SMAD2: variants seen among roughly 807,000 people sequenced by gnomAD.
The protein encoded by SMAD2 is SMAD family member 2, also known as MAD homolog 2.
SMAD2 carries 8 observed loss-of-function variants against 64.4 expected under a neutral mutation model. The ratio of observed to expected loss-of-function variants is 0.12; its 90% CI spans 0.07 to 0.22. SMAD2 has a LOEUF of 0.22. Ranked by LOEUF, SMAD2 falls within the 10% of genes least tolerant of loss-of-function variation. SMAD2 has a pLI of 1.00. For synonymous variants in SMAD2, 203 were observed against 195.8 expected (o/e 1.04, Z -0.31); for missense variants, 289 against 561.2 (o/e 0.51, Z 4.90).
rs1249819724 is a variant in SMAD2, at chr18:47,826,669, C to T, written c.*15158G>A. 1 of 152,236 alleles carries T rather than the reference C, an allele frequency of 6.6e-6. No homozygotes were observed. The highest frequency in any genetic ancestry group is 1.5e-5 in the Non-Finnish European group (1 of 68,046). 9.4% of individuals were successfully genotyped at this position (152,236 alleles called of 1,614,324 possible). ...AATTCATAAACTGTTTATTGCTGCACACCACTGGGTTTTTGTGGTTGCTAC... is the reference window on the plus strand; with the variant it reads ...AATTCATAAACTGTTTATTGCTGCATACCACTGGGTTTTTGTGGTTGCTAC... On this transcript the variant is annotated 3_prime_UTR_variant, in exon 11 of 11. Coordinates refer to ENST00000262160, the MANE Select transcript of SMAD2 (RefSeq NM_005901.6).
chr18:47,903,111 G>A (rs1050711468), intron 1 of SMAD2, among the ~76,000 whole-genome samples: 1 of 152,100 alleles, frequency 6.6e-6, no homozygotes, highest in Non-Finnish European at 1.5e-5. Flanking sequence ...AATGGGGGAT[G>A]GGGGGAGGGA....
intron 1 of SMAD2, among the ~76,000 whole-genome samples, chr18:47,912,953 C>G (rs921965710): frequency 4.1e-5 from 6 of 147,166 alleles, no homozygotes; most frequent in Non-Finnish European, 5.9e-5. Context: ...GAGTTTCACT[C>G]TTGTTGCCCA....
At chr18:47,896,145 T>C (rs899416671) in intron 2 of SMAD2, among the ~76,000 whole-genome samples, 13 of 152,202 alleles carry the variant, frequency 8.5e-5, no homozygotes, top group African/African-American at 3.1e-4. Flanking sequence ...CATTAAAAAG[T>C]GAGCAGCCTC....
chr18:47,910,936 T>C (rs1335099866), intron 1 of SMAD2, among the ~76,000 whole-genome samples: 2 of 152,140 alleles, frequency 1.3e-5, no homozygotes, highest in South Asian at 2.1e-4. Context: ...CAACTGTATA[T>C]TTACTAAAAA....
chr18:47,914,358 T>C (rs573499256), intron 1 of SMAD2, among the ~76,000 whole-genome samples: 17 of 152,304 alleles, frequency 1.1e-4, no homozygotes, highest in African/African-American at 3.8e-4. Context: ...GAAACATTTA[T>C]TGAGTGCTTA....
At chr18:47,919,311 G>A (rs1331486620) in intron 1 of SMAD2, among the ~76,000 whole-genome samples, 1 of 151,760 alleles carries the variant, frequency 6.6e-6, no homozygotes, top group Non-Finnish European at 1.5e-5. Context: ...TCTCCAGGAA[G>A]GTCCTGAAGA....
chr18:47,877,122 AATTT>A (rs1426581381), intron 2 of SMAD2, among the ~76,000 whole-genome samples: 2 of 151,856 alleles, frequency 1.3e-5, no homozygotes, highest in African/African-American at 4.8e-5. Flanking sequence ...TTGTTTTACT[AATTT>A]ATTATTTTTC....
At chr18:47,882,686 A>G (rs748638809) in intron 2 of SMAD2, among the ~76,000 whole-genome samples, 21 of 152,168 alleles carry the variant, frequency 1.4e-4, no homozygotes, top group Non-Finnish European at 1.8e-4. Flanking sequence ...TTTATTGTCT[A>G]TAAGATTGGT....
chr18:47,884,907 A>T (rs2032801639), intron 2 of SMAD2, among the ~76,000 whole-genome samples: 2 of 152,166 alleles, frequency 1.3e-5, no homozygotes, highest in Non-Finnish European at 2.9e-5. Context: ...ACTCTGAGAT[A>T]CCGTTTGATA....
chr18:47,921,130 C>G (rs946634020), intron 1 of SMAD2, among the ~76,000 whole-genome samples: 1 of 152,132 alleles, frequency 6.6e-6, no homozygotes, highest in African/African-American at 2.4e-5. Context: ...GCACTCCAGC[C>G]TGGGTGACAG....
chr18:47,886,676 G>A (rs1421980954), intron 2 of SMAD2: 1 of 152,306 alleles, frequency 6.6e-6, no homozygotes, highest in African/African-American at 2.4e-5. Flanking sequence ...TTAGTGAGAA[G>A]TCTCCTTATA....
chr18:47,877,362 C>A (rs1016557361), intron 2 of SMAD2, among the ~76,000 whole-genome samples: 2 of 152,004 alleles, frequency 1.3e-5, no homozygotes, highest in Non-Finnish European at 2.9e-5. Flanking sequence ...TGTAACTATG[C>A]ATCCATAATT....
chr18:47,919,469 TACACACAC>T (rs66523523), intron 1 of SMAD2, among the ~76,000 whole-genome samples: 15,485 of 129,768 alleles, frequency 0.12, 1,167 homozygotes, highest in East Asian at 0.26. Context: ...AAAAAAAAAA[TACACACAC>T]ACACACACAC....
At chr18:47,913,569 G>A (rs1393569622) in intron 1 of SMAD2, among the ~76,000 whole-genome samples, 1 of 152,164 alleles carries the variant, frequency 6.6e-6, no homozygotes, top group African/African-American at 2.4e-5. Flanking sequence ...TGTAAGTAAT[G>A]CTGATAATAC....
At chr18:47,876,407 G>C (rs16958579) in intron 2 of SMAD2, among the ~76,000 whole-genome samples, 7,642 of 152,058 alleles carry the variant, frequency 0.05, 597 homozygotes, top group East Asian at 0.22. Flanking sequence ...ATATACAGAT[G>C]AACAAGCATA....
intron 1 of SMAD2, among the ~76,000 whole-genome samples, chr18:47,913,165 T>A (rs1321507373): frequency 6.6e-6 from 1 of 152,064 alleles, no homozygotes; most frequent in Non-Finnish European, 1.5e-5. Flanking sequence ...AGATGATCCA[T>A]CCGCCTCGGC....
intron 8 of SMAD2, among the ~76,000 whole-genome samples, chr18:47,847,383 C>A (rs1914602939): frequency 6.6e-6 from 1 of 151,822 alleles, no homozygotes; most frequent in Admixed American, 6.6e-5. Context: ...AGAAAAAAAA[C>A]AGAAGCAAAC....
chr18:47,890,935 G>A (rs7237144), intron 2 of SMAD2, among the ~76,000 whole-genome samples: 2,033 of 152,290 alleles, frequency 0.013, 38 homozygotes, highest in African/African-American at 0.047. Flanking sequence ...AATAAAAGAT[G>A]ACAGTTTTTT....
intron 6 of SMAD2, among the ~76,000 whole-genome samples, chr18:47,861,144 T>C (rs964794302): frequency 7.2e-5 from 11 of 151,908 alleles, no homozygotes; most frequent in African/African-American, 2.7e-4. Context: ...TCACCTGAGG[T>C]TGGGAGTTCG....
Sources: gnomAD v4.1 joint callset for allele counts (sites outside exome capture counted in the v4.1 genomes callset) on GRCh38, gnomAD v4.1.1 for gene constraint, MANE v1.5 for transcripts, NCBI Gene and HGNC (gene_info 2026-07-23, HGNC 2026-07-21) for gene names.